Variants in HTR2C observed in about 807,000 individuals in gnomAD.
HTR2C encodes 5-hydroxytryptamine (serotonin) receptor 2C, G protein-coupled.
HTR2C carries 5 observed loss-of-function variants against 21.0 expected under a neutral mutation model. The ratio of observed to expected loss-of-function variants is 0.24; its 90% CI spans 0.12 to 0.50. The LOEUF is 0.50. HTR2C is among the 20% of genes least tolerant of loss of function. The pLI is 0.98. For synonymous variants in HTR2C, 150 were observed against 145.3 expected, an observed-to-expected ratio of 1.03 and a Z score of -0.23; for missense variants, 271 against 371.2, an observed-to-expected ratio of 0.73 and a Z score of 2.22.
intron 1 of HTR2C, among the ~76,000 whole-genome samples, chrX:114,594,358 A>G (rs1462854204): frequency 1.8e-5 from 2 of 111,642 alleles, no homozygotes; most frequent in African/African-American, 6.5e-5. Flanking sequence ...GAATCATACC[A>G]TAATAGATAT....
rs10526392 is a variant in HTR2C at position 114,816,266 on chromosome X, T to TGATAGATAGATAGATAGATAGATAGATA, written c.350-31736_350-31709dup. Among the ~76,000 whole-genome samples the TGATAGATAGATAGATAGATAGATAGATA allele has an allele frequency of 7.6e-3, 780 of 102,896 alleles. 9 individuals are homozygous for TGATAGATAGATAGATAGATAGATAGATA. Among genetic ancestry groups the TGATAGATAGATAGATAGATAGATAGATA allele is most frequent in the African/African-American group, 0.027 (748 of 28,167 alleles). The allele number at this position is 102,896 out of a possible 115,157, so 89.4% of individuals were successfully genotyped here. A position where few individuals can be genotyped will look rare whatever the true frequency, so the allele number is the denominator to read the frequency against. ...ATAGATAGATAGGTAGATAGATAGA[T>TGATAGATAGATAGATAGATAGATAGATA]GATAGATAGATAGATAGATAGATAG... On this transcript the variant is annotated intron_variant, in intron 4 of 5. Transcript: ENST00000276198.
intron 4 of HTR2C, among the ~76,000 whole-genome samples, chrX:114,807,491 A>G (rs1391864853): frequency 1.2e-5 from 1 of 81,236 alleles, no homozygotes; most frequent in Non-Finnish European, 2.4e-5. Flanking sequence ...TACATCATAT[A>G]TATACCATAT....
intron 4 of HTR2C, among the ~76,000 whole-genome samples, chrX:114,799,378 G>A (rs2070324603): frequency 9.1e-6 from 1 of 109,820 alleles, no homozygotes; most frequent in Non-Finnish European, 1.9e-5. Flanking sequence ...GAACCCTTTG[G>A]CATTTGTTAT....
intron 5 of HTR2C, among the ~76,000 whole-genome samples, chrX:114,888,467 A>C (rs1188660386): frequency 8.9e-6 from 1 of 112,123 alleles, no homozygotes; most frequent in Non-Finnish European, 1.9e-5. Flanking sequence ...TATTATCCTC[A>C]GCAGCAGGTA....
rs142655311 is a variant in HTR2C, at chrX:114,615,103, C to T, written c.-80+1222C>T. 7.1e-4 allele frequency among the ~76,000 whole-genome samples: 79 copies of T among 111,067 alleles called. 1 individual carries two copies. The East Asian group carries it at 0.021, about 30-fold the overall frequency. On this transcript the variant is annotated intron_variant, in intron 2 of 5. Coordinates refer to ENST00000276198, the MANE Select transcript of HTR2C (RefSeq NM_000868.4). ...TGAAAAGTCGAAGTCTATCAAAATT[C>T]GAAAGAGGATAGGGATGGAATAAGG...
At chrX:114,761,734 C>T (rs2069868278) in intron 4 of HTR2C, among the ~76,000 whole-genome samples, 1 of 108,375 alleles carries the variant, frequency 9.2e-6, no homozygotes, top group Non-Finnish European at 1.9e-5. Flanking sequence ...GCCTATAAAA[C>T]TCCAAAGTCC....
intron 2 of HTR2C, among the ~76,000 whole-genome samples, chrX:114,659,811 T>G (rs35031982): frequency 0.17 from 18,724 of 110,857 alleles, 1,156 homozygotes; most frequent in East Asian, 0.33. Context: ...ATAGTTATCT[T>G]CCAATGATAA....
intron 1 of HTR2C, among the ~76,000 whole-genome samples, chrX:114,604,474 A>G (rs1361069463): frequency 9.1e-6 from 1 of 109,702 alleles, no homozygotes; most frequent in Non-Finnish European, 1.9e-5. Context: ...TTAAGAAGGT[A>G]ATCACTTACC....
intron 4 of HTR2C, among the ~76,000 whole-genome samples, chrX:114,825,732 T>G (rs1556458132): frequency 8.9e-6 from 1 of 112,038 alleles, no homozygotes. Context: ...TGAAGTGTAA[T>G]TGTAATTCTA....
chrX:114,740,138 AT>A (rs1180510804), intron 4 of HTR2C, among the ~76,000 whole-genome samples: 3 of 107,720 alleles, frequency 2.8e-5, no homozygotes, highest in Admixed American at 2.0e-4. Context: ...TTAAATATAT[AT>A]ATAAACATGT....
At chrX:114,683,673 G>C in intron 2 of HTR2C, among the ~76,000 whole-genome samples, 1 of 110,993 alleles carries the variant, frequency 9.0e-6, no homozygotes, top group Admixed American at 9.6e-5. Flanking sequence ...CAGCTACTCA[G>C]GACCTCAGCT....
chrX:114,883,809 A>G (rs2071200675), intron 5 of HTR2C, among the ~76,000 whole-genome samples: 1 of 110,658 alleles, frequency 9.0e-6, no homozygotes, highest in African/African-American at 3.3e-5. Flanking sequence ...CTACTCTCTT[A>G]GAAATTTTCA....
chrX:114,733,183 G>A (rs938133733), intron 4 of HTR2C, among the ~76,000 whole-genome samples: 4 of 110,673 alleles, frequency 3.6e-5, no homozygotes, highest in Admixed American at 9.7e-5. Flanking sequence ...CCAGGCTGGC[G>A]GATCACTTGA....
chrX:114,591,011 C>T (rs1602620839), intron 1 of HTR2C, among the ~76,000 whole-genome samples: 1 of 111,787 alleles, frequency 8.9e-6, no homozygotes, highest in Non-Finnish European at 1.9e-5. Context: ...TATTTCCTTC[C>T]TTTTTATACT....
At chrX:114,717,809 A>G (rs1448271665) in intron 2 of HTR2C, 1 of 111,487 alleles carries the variant, frequency 9.0e-6, no homozygotes, top group East Asian at 2.8e-4. Flanking sequence ...ATTCTTAGAT[A>G]GTATCTTTTG....
At chrX:114,804,216 A>C (rs1453158388) in intron 4 of HTR2C, among the ~76,000 whole-genome samples, 2 of 111,895 alleles carry the variant, frequency 1.8e-5, no homozygotes, top group African/African-American at 6.5e-5. Flanking sequence ...TCTGTCTCAA[A>C]CTTAGGTTTT....
chrX:114,846,032 A>C (rs1212043313), intron 4 of HTR2C, among the ~76,000 whole-genome samples: 1 of 110,927 alleles, frequency 9.0e-6, no homozygotes. Flanking sequence ...TAAAAGGATT[A>C]TAAAACAATA....
intron 2 of HTR2C, among the ~76,000 whole-genome samples, chrX:114,674,006 T>C (rs1931470413): frequency 8.9e-6 from 1 of 112,003 alleles, no homozygotes; most frequent in Non-Finnish European, 1.9e-5. Flanking sequence ...TTTGAACTTA[T>C]AGCTTGTTAT....
intron 5 of HTR2C, among the ~76,000 whole-genome samples, chrX:114,859,099 G>T (rs1556472109): frequency 9.1e-6 from 1 of 110,209 alleles, no homozygotes; most frequent in Non-Finnish European, 1.9e-5. Flanking sequence ...TCCAATGAGA[G>T]ATTTTGCCTT....
Sources: allele counts gnomAD v4.1 joint callset (sites outside exome capture counted in the v4.1 genomes callset), GRCh38; gene constraint gnomAD v4.1.1; transcripts MANE v1.5; gene names NCBI Gene and HGNC (gene_info 2026-07-23, HGNC 2026-07-21).